The following EIF4G3 variants were observed in gnomAD, a reference collection of about 807,000 sequenced individuals.
EIF4G3 encodes eukaryotic translation initiation factor 4 gamma 3, also known as eIF-4-gamma 3.
A neutral mutation model predicts 186.4 loss-of-function variants in EIF4G3; 34 were observed. The observed-to-expected ratio is 0.18, with a 90% confidence interval of 0.14 to 0.24. The LOEUF (loss-of-function observed/expected upper bound fraction) is 0.24. EIF4G3 is among the 10% of genes least tolerant of loss of function. The pLI, the probability that EIF4G3 is intolerant of heterozygous loss-of-function variation, is 1.00. For synonymous variants in EIF4G3, 673 were observed against 679.5 expected (o/e 0.99, Z 0.15); for missense variants, 1,536 against 1,948.5 (o/e 0.79, Z 3.99).
intron 4 of EIF4G3, among the ~76,000 whole-genome samples, chr1:21,034,983 A>G (rs564226075): frequency 1.9e-4 from 29 of 152,046 alleles, no homozygotes; most frequent in Non-Finnish European, 4.1e-4. Context: ...CCTGCCCTGG[A>G]TGCCAGTCCA....
At chr1:21,039,454 A>G (rs1272853256) in intron 4 of EIF4G3, among the ~76,000 whole-genome samples, 6 of 152,354 alleles carry the variant, frequency 3.9e-5, no homozygotes, top group East Asian at 1.9e-4. Flanking sequence ...TTTCTTAGAT[A>G]TGACACCAAA....
rs75758854 is a variant in EIF4G3, at chr1:21,160,902, T to C, written c.-272+15273A>G. Among the ~76,000 whole-genome samples the C allele has an allele frequency of 2.9e-3, 437 of 152,252 alleles. 5 individuals are homozygous for C. Among genetic ancestry groups the C allele is most frequent in the African/African-American group, 0.01 (425 of 41,550 alleles). On this transcript the variant is annotated intron_variant, in intron 2 of 36. Transcript: ENST00000602326. ...ATGGCAGGAAAAGCATTTAGAAAGT[T>C]TCTTAGGCCTGTAATCCCAACATTT...
chr1:20,938,565 A>C (rs2095595533), intron 14 of EIF4G3, among the ~76,000 whole-genome samples: 2 of 152,230 alleles, frequency 1.3e-5, no homozygotes, highest in East Asian at 3.8e-4. Context: ...TGGTGTTACA[A>C]TTTATTAACT....
intron 34 of EIF4G3, among the ~76,000 whole-genome samples, chr1:20,813,993 C>A (rs1303601739): frequency 9.0e-6 from 1 of 111,276 alleles, no homozygotes. Flanking sequence ...GTCACCCGGG[C>A]TGGAGTGCAG....
chr1:20,818,960 G>A (rs957439447), intron 33 of EIF4G3, among the ~76,000 whole-genome samples: 2 of 151,826 alleles, frequency 1.3e-5, no homozygotes, highest in African/African-American at 2.4e-5. Flanking sequence ...TTTTGACTTG[G>A]GGTCTCACTA....
chr1:20,951,072 C>T (rs1430593578), intron 12 of EIF4G3, among the ~76,000 whole-genome samples: 1 of 147,008 alleles, frequency 6.8e-6, no homozygotes, highest in Non-Finnish European at 1.5e-5. Flanking sequence ...TTTCTTTTTA[C>T]TTTTTTTTTT....
chr1:20,937,049 G>A (rs956235052), intron 14 of EIF4G3, among the ~76,000 whole-genome samples: 1 of 152,106 alleles, frequency 6.6e-6, no homozygotes, highest in African/African-American at 2.4e-5. Flanking sequence ...TATAACCAAT[G>A]AATTTGTATT....
intron 2 of EIF4G3, among the ~76,000 whole-genome samples, chr1:21,160,913 G>A (rs1362431238): frequency 6.6e-6 from 1 of 152,222 alleles, no homozygotes; most frequent in African/African-American, 2.4e-5. Flanking sequence ...TCTTAGGCCT[G>A]TAATCCCAAC....
At chr1:20,910,052 G>C (rs371661238) in intron 14 of EIF4G3, among the ~76,000 whole-genome samples, 3 of 152,080 alleles carry the variant, frequency 2.0e-5, no homozygotes, top group East Asian at 3.9e-4. Flanking sequence ...CAAAGTGCTG[G>C]GATTACAGGA....
At chr1:20,870,976 T>C (rs1467533706) in intron 20 of EIF4G3, among the ~76,000 whole-genome samples, 1 of 152,190 alleles carries the variant, frequency 6.6e-6, no homozygotes, top group Non-Finnish European at 1.5e-5. Context: ...CATATGTATC[T>C]GTATGTGTGT....
Position 20,817,440 on chromosome 1 carries a change from G to A in EIF4G3, c.4467C>T (p.Leu1489=). ...AEELYKRLEK[L]IIEDKANDEQ... ...CATCATTCGCTTTGTCCTCAATAAT[G>A]AGTTTCTCGAGTCGCTTATACAGCT... The change falls in exon 34 of 37, where the codon CTC becomes CTT. Residue 1489 remains leucine (L), a synonymous_variant. Transcript: ENST00000602326. The A allele has an allele frequency of 6.2e-7, 1 of 1,609,374 alleles. No individual in the cohort carries two copies. The highest frequency in any genetic ancestry group is 8.5e-7 in the Non-Finnish European group (1 of 1,177,408).
intron 2 of EIF4G3, among the ~76,000 whole-genome samples, chr1:21,134,555 A>G (rs1313147309): frequency 2.6e-5 from 4 of 152,186 alleles, no homozygotes; most frequent in Non-Finnish European, 5.9e-5. Context: ...TTGTAGTCCC[A>G]GCTACTCGGG....
At chr1:20,894,150 C>G (rs2087084587) in intron 17 of EIF4G3, among the ~76,000 whole-genome samples, 1 of 152,130 alleles carries the variant, frequency 6.6e-6, no homozygotes, top group Non-Finnish European at 1.5e-5. Context: ...TAAAATTTCA[C>G]TGTCTGCCTT....
At chr1:20,811,468 G>C (rs566799451) in intron 35 of EIF4G3, among the ~76,000 whole-genome samples, 95 of 152,228 alleles carry the variant, frequency 6.2e-4, no homozygotes, top group African/African-American at 2.2e-3. Context: ...GAGAAGAGGA[G>C]GCAAGAAGGT....
At chr1:20,912,013 G>T (rs1039446728) in intron 14 of EIF4G3, among the ~76,000 whole-genome samples, 2 of 152,118 alleles carry the variant, frequency 1.3e-5, no homozygotes, top group Non-Finnish European at 2.9e-5. Flanking sequence ...AATAAGGCCA[G>T]GTATGGTGGC....
At chr1:20,911,595 A>G (rs1328425633) in intron 14 of EIF4G3, among the ~76,000 whole-genome samples, 1 of 149,710 alleles carries the variant, frequency 6.7e-6, no homozygotes, top group East Asian at 1.9e-4. Flanking sequence ...AAAAGAATGT[A>G]AAAGCGCTAA....
At chr1:21,122,999 G>A (rs1436806119) in intron 2 of EIF4G3, among the ~76,000 whole-genome samples, 1 of 152,142 alleles carries the variant, frequency 6.6e-6, no homozygotes, top group East Asian at 1.9e-4. Flanking sequence ...CCAATAAAAA[G>A]TAAAAGCCTC....
intron 7 of EIF4G3, 70 bp downstream of exon 7, chr1:20,997,530 TA>T: frequency 7.1e-7 from 1 of 1,407,106 alleles, no homozygotes; most frequent in Non-Finnish European, 9.8e-7. Flanking sequence ...GGCAGCATTC[TA>T]AGAGTCAGCA....
At chr1:20,902,040 C>A (rs1361656847) in intron 15 of EIF4G3, among the ~76,000 whole-genome samples, 1 of 151,802 alleles carries the variant, frequency 6.6e-6, no homozygotes, top group African/African-American at 2.4e-5. Flanking sequence ...TGAAATCATC[C>A]TTCATCCTTA....
Sources: gnomAD v4.1 joint callset for allele counts (sites outside exome capture counted in the v4.1 genomes callset) on GRCh38, gnomAD v4.1.1 for gene constraint, MANE v1.5 for transcripts, NCBI Gene and HGNC (gene_info 2026-07-23, HGNC 2026-07-21) for gene names.